Variants in COL13A1 observed in about 807,000 individuals in gnomAD.
The protein encoded by COL13A1 is collagen alpha-1(XIII) chain.
In COL13A1, 89 loss-of-function variants were observed where a neutral mutation model predicts 130.9. The ratio of observed to expected loss-of-function variants is 0.68; its 90% CI spans 0.57 to 0.81. The LOEUF (loss-of-function observed/expected upper bound fraction) is 0.81. COL13A1 is among the 30% of genes least tolerant of loss of function. The pLI, the probability that COL13A1 is intolerant of heterozygous loss-of-function variation, is 0.00. For missense variants in COL13A1, 879 were observed against 934.6 expected (o/e 0.94, Z 0.78); for synonymous variants, 402 against 341.6 (o/e 1.18, Z -1.95).
intron 1 of COL13A1, among the ~76,000 whole-genome samples, chr10:69,819,958 G>A (rs1342562411): frequency 6.6e-6 from 1 of 152,118 alleles, no homozygotes; most frequent in Non-Finnish European, 1.5e-5. Context: ...CGCCTCTGCT[G>A]TTCCCTCTGA....
intron 17 of COL13A1, among the ~76,000 whole-genome samples, chr10:69,909,497 C>A (rs1326027651): frequency 6.6e-6 from 1 of 152,228 alleles, no homozygotes; most frequent in African/African-American, 2.4e-5. Flanking sequence ...AAGCCAACAG[C>A]CCATGGCTGG....
At chr10:69,897,725 C>T (rs866288172) in intron 13 of COL13A1, among the ~76,000 whole-genome samples, 2 of 152,188 alleles carry the variant, frequency 1.3e-5, no homozygotes, top group Admixed American at 6.5e-5. Flanking sequence ...TGGGCGCATT[C>T]GCAGCCCAAG....
At chr10:69,863,498 C>T (rs756972126) in intron 2 of COL13A1, among the ~76,000 whole-genome samples, 15 of 152,216 alleles carry the variant, frequency 9.9e-5, no homozygotes, top group East Asian at 1.9e-4. Flanking sequence ...AGGAGCCCAG[C>T]GGTCAAGCAG....
At chr10:69,953,567 G>T (rs1462744349) in intron 39 of COL13A1, among the ~76,000 whole-genome samples, 1 of 152,236 alleles carries the variant, frequency 6.6e-6, no homozygotes, top group Non-Finnish European at 1.5e-5. Flanking sequence ...CCCATGGGAA[G>T]CCTTCTCAAA....
At chr10:69,897,885 A>G (rs2061811733) in intron 13 of COL13A1, among the ~76,000 whole-genome samples, 1 of 152,224 alleles carries the variant, frequency 6.6e-6, no homozygotes, top group South Asian at 2.1e-4. Context: ...TTCAATGGGT[A>G]GAGGGACTGG....
intron 36 of COL13A1, 91 bp from the exon 37 acceptor site, chr10:69,945,580 G>C: frequency 6.5e-7 from 1 of 1,533,896 alleles, no homozygotes; most frequent in South Asian, 1.2e-5. Context: ...GGACTGGAGA[G>C]GTTTCCTGTA....
chr10:69,918,912 C>T (rs1046803672), intron 19 of COL13A1, 150 bp from the exon 20 acceptor site: 10 of 866,556 alleles, frequency 1.2e-5, no homozygotes, highest in Middle Eastern at 2.4e-4. Flanking sequence ...GGCCTGGGAC[C>T]TGATGCCTGA....
At chr10:69,868,981 C>T (rs943759097) in intron 3 of COL13A1, among the ~76,000 whole-genome samples, 4 of 152,162 alleles carry the variant, frequency 2.6e-5, no homozygotes, top group Admixed American at 6.5e-5. Context: ...CCACAAGAGC[C>T]CTCAACTGCC....
At chr10:69,864,479 G>A (rs1859218700) in intron 2 of COL13A1, among the ~76,000 whole-genome samples, 1 of 152,132 alleles carries the variant, frequency 6.6e-6, no homozygotes, top group African/African-American at 2.4e-5. Flanking sequence ...ATTCATCTCT[G>A]TATCATCAGA....
Position 69,895,687 on chromosome 10 carries a change from G to A in COL13A1, c.684+111G>A, listed in dbSNP as rs1227744. The A allele has an allele frequency of 0.9, 1,114,239 of 1,237,274 alleles. 502,268 individuals are homozygous for A. The highest frequency in any genetic ancestry group is 0.99 in the East Asian group (42,369 of 42,648). The allele number at this position is 1,237,274 out of a possible 1,614,324, so 76.6% of individuals were successfully genotyped here. A position where few individuals can be genotyped will look rare whatever the true frequency, so the allele number is the denominator to read the frequency against. On this transcript the variant is annotated intron_variant, in intron 13 of 40. Transcript: ENST00000645393. ...CCAGTTACTAACAGATCATGGGGGA[G>A]CAGGAGCACCCACTGCCCTCTGCAC... is the stretch of plus-strand genomic sequence containing the variant.
chr10:69,859,889 C>A (rs898848236), intron 2 of COL13A1, among the ~76,000 whole-genome samples: 1 of 152,244 alleles, frequency 6.6e-6, no homozygotes, highest in Non-Finnish European at 1.5e-5. Context: ...CCTACTCCAG[C>A]CTTTCAGGGC....
intron 2 of COL13A1, among the ~76,000 whole-genome samples, chr10:69,859,909 G>A (rs994499296): frequency 1.3e-5 from 2 of 152,218 alleles, no homozygotes; most frequent in Non-Finnish European, 2.9e-5. Context: ...CTGTTTTGTG[G>A]CTCAAATGGG....
At chr10:69,955,683 A>G (rs545315506) in intron 39 of COL13A1, 5 of 151,896 alleles carry the variant, frequency 3.3e-5, no homozygotes, top group African/African-American at 1.2e-4. Context: ...TGTGGAATGC[A>G]CCTCCTCCCC....
In COL13A1 at chr10:69,847,653, A is replaced by G. The variant is rs1807474829; in HGVS notation, c.365-20145A>G. ...TCCCAATAAATAACAGGGTCTGTATATAAGCCTCCGGCTCTGCAGCATCTC... is the reference window on the plus strand; with the variant it reads ...TCCCAATAAATAACAGGGTCTGTATGTAAGCCTCCGGCTCTGCAGCATCTC... On this transcript the variant is annotated intron_variant, in intron 2 of 40. Transcript: ENST00000645393. Among the ~76,000 whole-genome samples, 4 of 152,228 alleles carry G rather than the reference A, an allele frequency of 2.6e-5. No homozygotes were observed. In the South Asian group the frequency reaches 8.3e-4, roughly 32 times the overall value.
chr10:69,873,814 G>A (rs2059325365), intron 4 of COL13A1, among the ~76,000 whole-genome samples: 1 of 152,162 alleles, frequency 6.6e-6, no homozygotes, highest in African/African-American at 2.4e-5. Context: ...AAAGACTGTG[G>A]ATGTGAGCCC....
rs1565007955 is a variant in COL13A1 at position 69,903,773 on chromosome 10, G to A, written c.858+918G>A. Among the ~76,000 whole-genome samples, 3 of 152,182 alleles carry A rather than the reference G, an allele frequency of 2.0e-5. No homozygotes were observed. The South Asian group carries it at 6.2e-4, about 32-fold the overall frequency. On this transcript the variant is annotated intron_variant, in intron 15 of 40. Transcript: ENST00000645393. ...AGACAAAGAAACATAATGTTTGTGC[G>A]CATCTCTGATAGTTTTGCTGGAATA...
intron 10 of COL13A1, among the ~76,000 whole-genome samples, chr10:69,889,748 G>C (rs1220709699): frequency 6.6e-6 from 1 of 152,188 alleles, no homozygotes; most frequent in East Asian, 1.9e-4. Flanking sequence ...ATGGGCCTTG[G>C]GAGACAAGGT....
intron 2 of COL13A1, among the ~76,000 whole-genome samples, chr10:69,825,356 T>C (rs1847219537): frequency 6.6e-6 from 1 of 152,242 alleles, no homozygotes; most frequent in Admixed American, 6.5e-5. Context: ...GAAGGACTCA[T>C]ACAATTGTCA....
chr10:69,905,314 G>A (rs2062640669), intron 16 of COL13A1, among the ~76,000 whole-genome samples: 1 of 152,170 alleles, frequency 6.6e-6, no homozygotes, highest in Non-Finnish European at 1.5e-5. Flanking sequence ...AATGGGAAGA[G>A]ACCTCTAGGG....
Sources: allele counts gnomAD v4.1 joint callset (sites outside exome capture counted in the v4.1 genomes callset), GRCh38; gene constraint gnomAD v4.1.1; transcripts MANE v1.5; gene names NCBI Gene and HGNC (gene_info 2026-07-23, HGNC 2026-07-21).